Variants in PACRG observed in about 807,000 individuals in gnomAD.
PACRG encodes the protein parkin coregulated gene protein.
A neutral mutation model predicts 29.7 loss-of-function variants in PACRG; 29 were observed. The observed-to-expected ratio is 0.98, with a 90% confidence interval of 0.73 to 1.33. PACRG has a LOEUF of 1.33. PACRG is among the 40% of genes most tolerant of loss of function. PACRG has a pLI of 0.00. For missense variants in PACRG, 279 were observed against 316.2 expected, an observed-to-expected ratio of 0.88 and a Z score of 0.89; for synonymous variants, 116 against 118.7, an observed-to-expected ratio of 0.98 and a Z score of 0.15.
At chr6:162,756,618 T>G (rs1349064270) in intron 1 of PACRG, among the ~76,000 whole-genome samples, 1 of 152,158 alleles carries the variant, frequency 6.6e-6, no homozygotes. Flanking sequence ...AGTCTTTCTA[T>G]TGGGTAATTT....
chr6:163,291,657 C>T (rs968728027), intron 4 of PACRG, among the ~76,000 whole-genome samples: 1 of 152,238 alleles, frequency 6.6e-6, no homozygotes, highest in Non-Finnish European at 1.5e-5. Context: ...AACTTCAGAA[C>T]GTGGTATTTG....
chr6:162,760,697 G>A (rs561565523), intron 1 of PACRG, among the ~76,000 whole-genome samples: 13 of 152,290 alleles, frequency 8.5e-5, no homozygotes, highest in African/African-American at 3.1e-4. Context: ...CGTTTAGAAA[G>A]TGTGAGGCTG....
intron 4 of PACRG, among the ~76,000 whole-genome samples, chr6:163,303,950 A>C (rs1324141099): frequency 2.9e-5 from 4 of 137,512 alleles, no homozygotes; most frequent in Non-Finnish European, 6.1e-5. Context: ...GGGAAGGTGG[A>C]GGTTGCAGCG....
chr6:163,253,615 G>T (rs1782993586), intron 4 of PACRG, among the ~76,000 whole-genome samples: 1 of 152,112 alleles, frequency 6.6e-6, no homozygotes, highest in South Asian at 2.1e-4. Flanking sequence ...TCAGCCAGGT[G>T]GTGGTCAAAT....
At chr6:163,229,358 A>G (rs1781931764) in intron 4 of PACRG, among the ~76,000 whole-genome samples, 1 of 152,160 alleles carries the variant, frequency 6.6e-6, no homozygotes. Context: ...TTCTGCCTCT[A>G]AAAAAGACAA....
intron 2 of PACRG, among the ~76,000 whole-genome samples, chr6:162,978,156 A>G (rs1341761257): frequency 6.6e-6 from 1 of 152,134 alleles, no homozygotes; most frequent in African/African-American, 2.4e-5. Flanking sequence ...AAAAAAAAAA[A>G]ATGTTTATAA....
intron 1 of PACRG, among the ~76,000 whole-genome samples, chr6:162,797,554 T>C (rs1785487471): frequency 6.6e-6 from 1 of 152,356 alleles, no homozygotes; most frequent in Non-Finnish European, 1.5e-5. Flanking sequence ...AATGTTTGCT[T>C]TAATTTTTCC....
chr6:162,778,605 G>T (rs1783836872), intron 1 of PACRG, among the ~76,000 whole-genome samples: 1 of 152,194 alleles, frequency 6.6e-6, no homozygotes, highest in African/African-American at 2.4e-5. Context: ...TGTTGAAGAT[G>T]AAGTCCCTGG....
At chr6:162,778,173 C>T (rs1202950158) in intron 1 of PACRG, among the ~76,000 whole-genome samples, 3 of 152,210 alleles carry the variant, frequency 2.0e-5, no homozygotes, top group South Asian at 2.1e-4. Flanking sequence ...GGCAGAGCAG[C>T]GCTGAGGCTA....
chr6:162,948,504 A>C (rs1799414452), intron 2 of PACRG, among the ~76,000 whole-genome samples: 1 of 152,194 alleles, frequency 6.6e-6, no homozygotes, highest in African/African-American at 2.4e-5. Context: ...CTAAGACCTT[A>C]AAACCATAGG....
chr6:162,727,370 C>A (rs1176076712), upstream of PACRG: 3 of 424,132 alleles, frequency 7.1e-6, no homozygotes, highest in Admixed American at 4.5e-5. Flanking sequence ...TCCGGGGGAC[C>A]GCGAACGAGG....
At chr6:162,844,262 T>C (rs9458654) in intron 2 of PACRG, among the ~76,000 whole-genome samples, 36,598 of 150,538 alleles carry the variant, frequency 0.24, 5,011 homozygotes, top group African/African-American at 0.42. Context: ...TCCGTGGGCG[T>C]AGGACCCTCC....
At chr6:163,142,826 A>G (rs1471713195) in intron 4 of PACRG, among the ~76,000 whole-genome samples, 3 of 152,226 alleles carry the variant, frequency 2.0e-5, no homozygotes, top group Non-Finnish European at 2.9e-5. Flanking sequence ...CCCCAACTTC[A>G]TGATGAGAAA....
chr6:163,021,059 G>A (rs1047614444), intron 2 of PACRG, among the ~76,000 whole-genome samples: 3 of 152,104 alleles, frequency 2.0e-5, no homozygotes, highest in Non-Finnish European at 4.4e-5. Flanking sequence ...CAGTGGATGG[G>A]CCTTGGACCT....
At chr6:162,851,379 A>G (rs74668390) in intron 2 of PACRG, among the ~76,000 whole-genome samples, 1 of 152,282 alleles carries the variant, frequency 6.6e-6, no homozygotes, top group African/African-American at 2.4e-5. Flanking sequence ...CTGACCTTCA[A>G]AATAACTCAT....
At chr6:163,203,641 TCTTTCTGAATC>T (rs1176316317) in intron 4 of PACRG, among the ~76,000 whole-genome samples, 16 of 152,214 alleles carry the variant, frequency 1.1e-4, no homozygotes, top group African/African-American at 3.9e-4. Context: ...GATAATCCGC[TCTTTCTGAATC>T]CATAGGACAA....
intron 2 of PACRG, among the ~76,000 whole-genome samples, chr6:162,880,244 C>T (rs561323603): frequency 6.6e-6 from 1 of 152,260 alleles, no homozygotes; most frequent in East Asian, 1.9e-4. Context: ...GTATGGCAAA[C>T]ATTTATTTAA....
chr6:162,913,982 C>CAAA lies in PACRG; in HGVS notation c.291+99701_291+99702insAAA, dbSNP rs113111316. On this transcript the variant is annotated intron_variant, in intron 2 of 4. Transcript: ENST00000366888. Reference sequence around the variant, plus strand: ...TATATATTTTATAAACATGCTTTGTCTATGTGTTTCAAATAATTTTTCTCA... The same window carrying CAAA: ...TATATATTTTATAAACATGCTTTGTCAAATATGTGTTTCAAATAATTTTTCTCA... Among the ~76,000 whole-genome samples, 35 of 151,592 alleles carry CAAA rather than the reference C, an allele frequency of 2.3e-4. No homozygotes were observed. The East Asian group carries it at 2.5e-3, about 11-fold the overall frequency.
chr6:163,123,969 G>T (rs773214878), intron 4 of PACRG, among the ~76,000 whole-genome samples: 1 of 152,206 alleles, frequency 6.6e-6, no homozygotes, highest in Non-Finnish European at 1.5e-5. Flanking sequence ...GTTTCTTCGA[G>T]ATCACAATTT....
Sources: gnomAD v4.1 joint callset for allele counts (sites outside exome capture counted in the v4.1 genomes callset) on GRCh38, gnomAD v4.1.1 for gene constraint, MANE v1.5 for transcripts, NCBI Gene and HGNC (gene_info 2026-07-23, HGNC 2026-07-21) for gene names.